EFEMP1: variants seen among roughly 807,000 people sequenced by gnomAD.
The protein encoded by EFEMP1 is EGF-like fibulin extracellular matrix protein 1, also known as EGF-containing fibulin-like extracellular matrix protein 1.
In EFEMP1, 18 loss-of-function variants were observed where a neutral mutation model predicts 65.7. The observed-to-expected ratio is 0.27, with a 90% CI of 0.19 to 0.41. The LOEUF is 0.41. EFEMP1 is among the 10% of genes least tolerant of loss of function. The pLI is 1.00. For missense variants in EFEMP1, 469 were observed against 624.8 expected (o/e 0.75, Z 2.66); for synonymous variants, 237 against 219.7 (o/e 1.08, Z -0.70).
intron 5 of EFEMP1, among the ~76,000 whole-genome samples, chr2:55,916,595 A>G (rs1275218901): frequency 1.3e-5 from 2 of 152,222 alleles, no homozygotes; most frequent in East Asian, 3.9e-4. Context: ...TTCCTTACAC[A>G]TGACCAGTTA....
At position 55,883,437 on chromosome 2, in the gene EFEMP1, C is replaced by A. The variant is rs77854993; in HGVS notation, c.518-1703G>T. On this transcript the variant is annotated intron_variant, in intron 5 of 11. Transcript: ENST00000355426. This position sits in a 1 kb window ranked among gnomAD's most constrained non-coding sequence, Gnocchi z 4.5. ...CCTTTTTACTGGGGTTTCTTCAGAGCTTTATGACTCGTTAATGCAGAAATG... is the reference window on the plus strand; with the variant it reads ...CCTTTTTACTGGGGTTTCTTCAGAGATTTATGACTCGTTAATGCAGAAATG... 7.2e-4 allele frequency among the ~76,000 whole-genome samples: 110 copies of A among 152,290 alleles called. 1 individual carries two copies. The highest frequency in any genetic ancestry group is 2.5e-3 in the African/African-American group (103 of 41,572).
In EFEMP1 at chr2:55,866,825, T is replaced by C. The variant is rs117386259; in HGVS notation, c.*248A>G. 2.2e-6 allele frequency: 1 copy of C among 462,960 alleles called. No individual in the cohort carries two copies. Among genetic ancestry groups the C allele is most frequent in the Non-Finnish European group, 3.9e-6 (1 of 255,172 alleles). The allele number at this position is 462,960 out of a possible 1,614,324, so 28.7% of individuals were successfully genotyped here. ...AATCCAAGTTTCACCAGATAGTGTA[T>C]ACTTAGCTCTCTTGAAGAAGACCAG... On this transcript the variant is annotated 3_prime_UTR_variant, in exon 12 of 12. Transcript: ENST00000355426.
chr2:55,877,711 G>A lies in EFEMP1; in HGVS notation c.760+35C>T, dbSNP rs55984916. 4,990 of 1,612,000 alleles carry A rather than the reference G, an allele frequency of 3.1e-3. 10 individuals carry two copies. The highest frequency in any genetic ancestry group is 3.5e-3 in the Non-Finnish European group (4,138 of 1,178,566). On this transcript the variant is annotated intron_variant, in intron 7 of 11. Transcript: ENST00000355426. The surrounding 1 kb of genome is among the most constrained non-coding windows in gnomAD (Gnocchi z 4.5). The stretch of plus-strand genomic sequence containing the variant: ...AACATGGCATGGGGTTTCCTTTTGT[G>A]AAGACAGAAATCAGCAAGTTCTCAA...
chr2:55,902,788 ATTTTGACTTGCCTCGGTATGTT>A (rs368636125), intron 5 of EFEMP1, among the ~76,000 whole-genome samples: 2 of 152,324 alleles, frequency 1.3e-5, no homozygotes, highest in African/African-American at 4.8e-5. Context: ...CCCAAGGTGG[ATTTTGACTTGCCTCGGTATGTT>A]TTCCTGATAA....
chr2:55,903,502 T>C (rs1488231383), intron 5 of EFEMP1, among the ~76,000 whole-genome samples: 1 of 152,126 alleles, frequency 6.6e-6, no homozygotes, highest in Non-Finnish European at 1.5e-5. Context: ...TTGTTAGAAA[T>C]GTATAATGTC....
chr2:55,875,373 T>TATA (rs201323759), intron 8 of EFEMP1, among the ~76,000 whole-genome samples: 108 of 98,580 alleles, frequency 1.1e-3, no homozygotes, highest in African/African-American at 6.4e-3. Flanking sequence ...CACATATATA[T>TATA]TTTTTTTGTT....
rs781239397 is a variant in EFEMP1 at position 55,917,615 on chromosome 2, G to A, written c.517+50C>T. On this transcript the variant is annotated intron_variant, in intron 5 of 11. Coordinates refer to ENST00000355426, the MANE Select transcript of EFEMP1 (RefSeq NM_001039348.3). This position sits in a 1 kb window ranked among gnomAD's most constrained non-coding sequence, Gnocchi z 6.3. ...AAATTATCATCATCCTCACCACGAGGTGCACTTGGGCAAAAGCTTTCAATG... is the reference window on the plus strand; with the variant it reads ...AAATTATCATCATCCTCACCACGAGATGCACTTGGGCAAAAGCTTTCAATG... 6.2e-7 allele frequency: 1 copy of A among 1,612,426 alleles called. No individual in the cohort carries two copies. The highest frequency in any genetic ancestry group is 1.3e-5 in the African/African-American group (1 of 75,018).
At chr2:55,904,979 C>CT (rs1558481238) in intron 5 of EFEMP1, among the ~76,000 whole-genome samples, 6 of 23,384 alleles carry the variant, frequency 2.6e-4, no homozygotes, top group African/African-American at 4.4e-4. Flanking sequence ...TTTTTTTTTT[C>CT]TTTTTCTTTT....
intron 8 of EFEMP1, 128 bp downstream of exon 8, chr2:55,876,495 T>C (rs1669040131): frequency 7.3e-7 from 1 of 1,369,280 alleles, no homozygotes; most frequent in Admixed American, 2.0e-5. Flanking sequence ...CTGAACTACA[T>C]TAACTGGATT....
At chr2:55,874,569 C>T (rs1437040510) in intron 9 of EFEMP1, among the ~76,000 whole-genome samples, 3 of 152,052 alleles carry the variant, frequency 2.0e-5, no homozygotes, top group African/African-American at 7.2e-5. Flanking sequence ...AGGGCTAAGA[C>T]TGGATGGAGG....
Position 55,891,475 on chromosome 2 carries a change from A to C in EFEMP1, c.518-9741T>G, listed in dbSNP as rs564922458. Among the ~76,000 whole-genome samples, 14 of 152,220 alleles carry C rather than the reference A, an allele frequency of 9.2e-5. No homozygotes were observed. In the South Asian group the frequency reaches 2.9e-3, roughly 31 times the overall value. ...TTAAAAATTGAAAAACAGATGCTGC[A>C]TCCACTCTAATATAGAAAATTGTGA... is the stretch of plus-strand genomic sequence containing the variant. On this transcript the variant is annotated intron_variant, in intron 5 of 11. Transcript: ENST00000355426.
chr2:55,895,949 T>TAATTAAGGATG (rs1669816967), intron 5 of EFEMP1, among the ~76,000 whole-genome samples: 1 of 152,170 alleles, frequency 6.6e-6, no homozygotes, highest in Non-Finnish European at 1.5e-5. Flanking sequence ...AAAGCCCCCT[T>TAATTAAGGATG]AAGGATGAAG....
At chr2:55,878,845 G>A (rs1669133165) in intron 6 of EFEMP1, among the ~76,000 whole-genome samples, 1 of 152,114 alleles carries the variant, frequency 6.6e-6, no homozygotes, top group East Asian at 1.9e-4. Flanking sequence ...TATTGGGAGG[G>A]TTACAAGACA....
At chr2:55,905,946 C>T (rs1670249110) in intron 5 of EFEMP1, among the ~76,000 whole-genome samples, 1 of 152,156 alleles carries the variant, frequency 6.6e-6, no homozygotes, top group African/African-American at 2.4e-5. Context: ...ATCCATTTTT[C>T]TGCTTAAACT....
intron 11 of EFEMP1, among the ~76,000 whole-genome samples, chr2:55,869,528 A>G (rs1668719138): frequency 6.6e-6 from 1 of 152,146 alleles, no homozygotes; most frequent in Non-Finnish European, 1.5e-5. Flanking sequence ...GAAATTAATC[A>G]TTTTCTAATA....
intron 5 of EFEMP1, 96 bp from the exon 6 acceptor site, chr2:55,881,830 T>A: frequency 7.0e-7 from 1 of 1,423,160 alleles, no homozygotes; most frequent in South Asian, 1.2e-5. Flanking sequence ...TTTACTTTAT[T>A]CTTAAAAGTT....
At chr2:55,904,378 T>C (rs934272638) in intron 5 of EFEMP1, among the ~76,000 whole-genome samples, 1 of 152,226 alleles carries the variant, frequency 6.6e-6, no homozygotes, top group African/African-American at 2.4e-5. Context: ...TAAGAGTTTG[T>C]GATGGTTAAT....
rs3762517 is a variant in EFEMP1, at chr2:55,923,302, A to C, written c.-48-363T>G. On this transcript the variant is annotated intron_variant, in intron 1 of 11. Transcript: ENST00000355426. This position sits in a 1 kb window ranked among gnomAD's most constrained non-coding sequence, Gnocchi z 5.3. ...TTTCGGGCGGGCGGCCTGGCCCGGC[A>C]GGGAGATGAGGTCCCCTTTCTTAAC... 2.0e-4 allele frequency among the ~76,000 whole-genome samples: 31 copies of C among 152,224 alleles called. No individual in the cohort carries two copies. The East Asian group carries it at 6.0e-3, about 30-fold the overall frequency.
At chr2:55,897,782 C>G (rs538588105) in intron 5 of EFEMP1, among the ~76,000 whole-genome samples, 1 of 152,140 alleles carries the variant, frequency 6.6e-6, no homozygotes, top group Non-Finnish European at 1.5e-5. Flanking sequence ...AAATGTTTCC[C>G]CTAGATGTAT....
Sources: allele counts gnomAD v4.1 joint callset (sites outside exome capture counted in the v4.1 genomes callset), GRCh38; gene constraint gnomAD v4.1.1; non-coding constraint Gnocchi (gnomAD v3.1); transcripts MANE v1.5; gene names NCBI Gene and HGNC (gene_info 2026-07-23, HGNC 2026-07-21).